The following BBS1 variants were observed in gnomAD, a reference collection of about 807,000 sequenced individuals.
The protein encoded by BBS1 is Bardet-Biedl syndrome 1, also known as BBSome complex member BBS1.
BBS1 carries 60 observed loss-of-function variants against 73.9 expected under a neutral mutation model. The observed-to-expected ratio is 0.81, with a 90% CI of 0.66 to 1.01. BBS1 has a LOEUF of 1.01. Among genes scored for constraint, BBS1 ranks in the 50% least tolerant of loss-of-function variants. The pLI is 0.00. For missense variants in BBS1, 718 were observed against 770.3 expected (o/e 0.93, Z 0.80); for synonymous variants, 283 against 317.4 (o/e 0.89, Z 1.15).
intron 13 of BBS1, 159 bp downstream of exon 13, chr11:66,526,966 A>G (rs747558057): frequency 9.6e-6 from 15 of 1,556,312 alleles, no homozygotes; most frequent in Admixed American, 1.9e-5. Flanking sequence ...CCTAGGAGGT[A>G]CACGTTGCCT....
At chr11:66,526,288 G>A (rs373751890) in intron 12 of BBS1, 96 bp downstream of exon 12, 1 of 1,249,144 alleles carries the variant, frequency 8.0e-7, no homozygotes, top group South Asian at 1.3e-5. Flanking sequence ...TGAAGCATGG[G>A]TGGACCTGGG....
chr11:66,531,922 C>T, intron 16 of BBS1, 29 bp from the exon 17 acceptor site: 1 of 1,569,132 alleles, frequency 6.4e-7, no homozygotes, highest in Non-Finnish European at 8.6e-7. Context: ...GGGTGTATGC[C>T]CCCTGCTGCC....
In BBS1 at chr11:66,515,942, C is replaced by G; in HGVS notation, c.591+9C>G. ...ACTCCATCAAGCGGCAGGTAATACC[C>G]CCTTCTCTTTTTATTTCCCTGTAAA... On this transcript the variant is annotated intron_variant, in intron 7 of 16. Transcript: ENST00000318312. The G allele has an allele frequency of 6.2e-7, 1 of 1,613,772 alleles. No individual in the cohort carries two copies. Among genetic ancestry groups the G allele is most frequent in the Non-Finnish European group, 8.5e-7 (1 of 1,179,760 alleles).
chr11:66,523,972 T>A (rs1856370408), intron 11 of BBS1, 90 bp downstream of exon 11: 1 of 1,562,362 alleles, frequency 6.4e-7, no homozygotes. Flanking sequence ...GACCACACAT[T>A]GATGCATTTC....
At chr11:66,510,958 T>G in intron 1 of BBS1, 55 bp from the exon 2 acceptor site, 1 of 1,592,806 alleles carries the variant, frequency 6.3e-7, no homozygotes, top group Non-Finnish European at 8.6e-7. Context: ...TCCTCAAAGT[T>G]TTTTTTTCCC....
chr11:66,531,193 G>T (rs1856767081), intron 15 of BBS1, among the ~76,000 whole-genome samples, 165 bp downstream of exon 15: 1 of 152,130 alleles, frequency 6.6e-6, no homozygotes, highest in Non-Finnish European at 1.5e-5. Flanking sequence ...CCCCAGTAGG[G>T]GCCTCTGGAG....
intron 13 of BBS1, chr11:66,527,094 T>C (rs1856546728): frequency 7.2e-7 from 1 of 1,392,584 alleles, no homozygotes; most frequent in Non-Finnish European, 9.8e-7. Context: ...AGTAGAATTT[T>C]GACTGGGCAT....
chr11:66,515,447 G>C (rs960176343), intron 4 of BBS1, 93 bp from the exon 5 acceptor site: 46 of 1,380,078 alleles, frequency 3.3e-5, no homozygotes, highest in Non-Finnish European at 4.6e-5. Context: ...GAGACCAAGA[G>C]GTACCCCTAG....
chr11:66,517,145 G>A (rs984590626), intron 7 of BBS1, among the ~76,000 whole-genome samples: 5 of 151,030 alleles, frequency 3.3e-5, no homozygotes, highest in Non-Finnish European at 1.5e-5. Context: ...CTTGCAGTGA[G>A]CCGAGATTGC....
chr11:66,523,191 T>G, intron 9 of BBS1: 2 of 593,912 alleles, frequency 3.4e-6, no homozygotes, highest in Non-Finnish European at 6.3e-6. Context: ...CAAGCCACCA[T>G]AGTGAAGGTG....
At chr11:66,525,873 G>A (rs1053550351) in intron 11 of BBS1, among the ~76,000 whole-genome samples, 5 of 152,172 alleles carry the variant, frequency 3.3e-5, no homozygotes, top group South Asian at 4.1e-4. Context: ...AGAAAGACCC[G>A]AAAGACGAGT....
At chr11:66,512,030 ATGTATATATATGTATATATATG>A (rs1206046071) in intron 3 of BBS1, among the ~76,000 whole-genome samples, 17 of 144,888 alleles carry the variant, frequency 1.2e-4, no homozygotes, top group South Asian at 4.3e-4. Flanking sequence ...GTGTATATAT[ATGTATATATATGTATATATATG>A]TGTATATATA....
chr11:66,510,694 G>A lies in BBS1; in HGVS notation c.35G>A (p.Cys12Tyr), dbSNP rs377507675. The A allele has an allele frequency of 4.3e-6, 7 of 1,614,068 alleles. No individual in the cohort carries two copies. The African/African-American group carries it at 9.3e-5, about 22-fold the overall frequency. Residue 12 changes from cysteine (C) to tyrosine (Y), a missense_variant, in exon 1 of 17, where the codon TGC becomes TAC. Physicochemically the swap from Cys to Tyr is radical, Grantham distance 194. Transcript: ENST00000318312. ...GCGTCCTCATCGGATTCCGACGCCT[G>A]CGGAGCTGAGAGGTGAAGGCAGGGC... ...AAASSSDSDA[C>Y]GAESNEANSK...
intron 8 of BBS1, chr11:66,520,178 A>G (rs183651176): frequency 5.3e-6 from 1 of 187,610 alleles, no homozygotes; most frequent in Admixed American, 5.3e-5. Flanking sequence ...ATAAGTAAAT[A>G]AATAAATAAA....
At position 66,523,866 on chromosome 11, in the gene BBS1, A is replaced by T; in HGVS notation, c.1094A>T (p.Asn365Ile). The T allele has an allele frequency of 1.2e-6, 2 of 1,613,426 alleles. No homozygotes were observed. The highest frequency in any genetic ancestry group is 1.7e-6 in the Non-Finnish European group (2 of 1,180,028). ...ATTTATCGTGACAAGGCCCTGCTCA[A>T]TGTCATCCACACCCCGGTGAGCCCC... Reference protein sequence around the residue: ...VRIYRDKALLNVIHTPDAVTS... With the variant: ...VRIYRDKALLIVIHTPDAVTS... Residue 365 changes from asparagine to isoleucine, a missense_variant, in exon 11 of 17, where the codon AAT (asparagine) becomes ATT (isoleucine). Asn to Ile is a moderately radical substitution (Grantham distance 149). Coordinates refer to ENST00000318312, the MANE Select transcript of BBS1 (RefSeq NM_024649.5).
At chr11:66,527,631 T>A (rs1236535937) in intron 13 of BBS1, 1 of 135,286 alleles carries the variant, frequency 7.4e-6, no homozygotes, top group East Asian at 2.2e-4. Context: ...ATCATGCCAC[T>A]GCACTCCAGC....
In BBS1 at chr11:66,532,029, G is replaced by A; in HGVS notation, c.1774G>A (p.Ala592Thr). The change falls in exon 17 of 17, where the codon GCC (alanine) becomes ACC (threonine). Residue 592 changes from alanine (A) to threonine (T), a missense_variant. By Grantham distance (58) the Ala-to-Thr change is moderately conservative (BLOSUM62 0). Coordinates refer to ENST00000318312, the MANE Select transcript of BBS1 (RefSeq NM_024649.5). ...CATGCCTGGGAGCGAGGGGCTGGCG[G>A]CCGCCTGAGACCTGAGCTGCTGTGA... is the stretch of plus-strand genomic sequence containing the variant. ...VNMPGSEGLA[A>T]A 1.2e-6 allele frequency: 2 copies of A among 1,604,414 alleles called. No individual in the cohort carries two copies. Among genetic ancestry groups the A allele is most frequent in the Admixed American group, 1.7e-5 (1 of 58,912 alleles).
At chr11:66,519,588 C>T (rs766373002) in intron 7 of BBS1, 29 bp from the exon 8 acceptor site, 12 of 1,613,036 alleles carry the variant, frequency 7.4e-6, no homozygotes, top group Middle Eastern at 1.6e-4. Context: ...GTGGAGGTTC[C>T]CTGGGTGACC....
At chr11:66,513,504 A>C (rs2134769923) in intron 3 of BBS1, among the ~76,000 whole-genome samples, 1 of 152,182 alleles carries the variant, frequency 6.6e-6, no homozygotes, top group South Asian at 2.1e-4. Context: ...GAGGCTAATA[A>C]TGGTGCCTAC....
Sources: gnomAD v4.1 joint callset for allele counts (sites outside exome capture counted in the v4.1 genomes callset) on GRCh38, gnomAD v4.1.1 for gene constraint, MANE v1.5 for transcripts, NCBI Gene and HGNC (gene_info 2026-07-23, HGNC 2026-07-21) for gene names.